Variants in TEK observed in about 807,000 individuals in gnomAD.
The protein encoded by TEK is angiopoietin-1 receptor.
In TEK, 43 loss-of-function variants were observed where a neutral mutation model predicts 131.8. The observed-to-expected ratio is 0.33, with a 90% CI of 0.26 to 0.42. The LOEUF is 0.42. Ranked by LOEUF, TEK falls within the 10% of genes least tolerant of loss-of-function variation. The probability of loss-of-function intolerance (pLI) is 1.00; values close to 1 mark genes in which losing one functional copy is unlikely to be tolerated. For missense variants in TEK, 1,162 were observed against 1,384.4 expected (o/e 0.84, Z 2.55); for synonymous variants, 580 against 491.6 (o/e 1.18, Z -2.38).
chr9:27,194,665 C>G (rs1206197765), intron 11 of TEK, among the ~76,000 whole-genome samples: 1 of 152,072 alleles, frequency 6.6e-6, no homozygotes, highest in Non-Finnish European at 1.5e-5. Context: ...CTTCACAGCC[C>G]CACACTGTAC....
chr9:27,115,519 A>AAATG (rs1821517886), intron 1 of TEK, among the ~76,000 whole-genome samples: 1 of 151,836 alleles, frequency 6.6e-6, no homozygotes, highest in Non-Finnish European at 1.5e-5. Context: ...ACAAACAAAC[A>AAATG]AACGAAACTA....
intron 1 of TEK, among the ~76,000 whole-genome samples, chr9:27,119,891 G>A (rs553424871): frequency 1.1e-4 from 2 of 18,204 alleles, no homozygotes; most frequent in East Asian, 0.056. Flanking sequence ...GTGCACATGC[G>A]TGTGTGTGTG....
chr9:27,196,474 G>A (rs180801949), intron 11 of TEK, among the ~76,000 whole-genome samples: 70 of 152,292 alleles, frequency 4.6e-4, no homozygotes, highest in African/African-American at 1.6e-3. Context: ...CTCTTAAAAG[G>A]TGCCCTTTAG....
chr9:27,176,314 C>T (rs1824170082), intron 6 of TEK, among the ~76,000 whole-genome samples: 1 of 152,068 alleles, frequency 6.6e-6, no homozygotes, highest in Admixed American at 6.6e-5. Flanking sequence ...AGGGGAATTC[C>T]ACTGTGCAAA....
chr9:27,131,142 C>T (rs925258356), intron 1 of TEK, among the ~76,000 whole-genome samples: 1 of 152,096 alleles, frequency 6.6e-6, no homozygotes, highest in Non-Finnish European at 1.5e-5. Flanking sequence ...TTACATACTA[C>T]ACCTTTTTAG....
At chr9:27,124,781 C>G (rs753586302) in intron 1 of TEK, among the ~76,000 whole-genome samples, 82 of 152,264 alleles carry the variant, frequency 5.4e-4, no homozygotes, top group Non-Finnish European at 8.7e-4. Flanking sequence ...CCATTTAGAA[C>G]AATGCTTAAA....
chr9:27,186,285 G>A (rs927810063), intron 9 of TEK, among the ~76,000 whole-genome samples: 2 of 152,104 alleles, frequency 1.3e-5, no homozygotes, highest in African/African-American at 4.8e-5. Flanking sequence ...CGTTAACTTG[G>A]CTGGTGTACG....
rs1825870137 is a variant in TEK, at chr9:27,217,749, A to G, written c.3053A>G (p.Asn1018Ser). 4 of 1,612,958 alleles carry G rather than the reference A, an allele frequency of 2.5e-6. No homozygotes were observed. The highest frequency in any genetic ancestry group is 3.4e-6 in the Non-Finnish European group (4 of 1,179,578). ...CTGAATTACAGTGTGTACACAACCA[A>G]CAGTGATGTGTGAGTAAACTTCTTA... ...ESLNYSVYTT[N>S]SDVWSYGVLL... The change falls in exon 19 of 23, where the codon AAC becomes AGC. Residue 1018 changes from asparagine (N) to serine (S), a missense_variant. Physicochemically the swap from Asn to Ser is conservative, Grantham distance 46. Coordinates refer to ENST00000380036, the MANE Select transcript of TEK (RefSeq NM_000459.5).
At position 27,122,109 on chromosome 9, in the gene TEK, G is replaced by T. The variant is rs371409949; in HGVS notation, c.52+12467G>T. Among the ~76,000 whole-genome samples, 6 of 152,160 alleles carry T rather than the reference G, an allele frequency of 3.9e-5. No homozygotes were observed. In the South Asian group the frequency reaches 6.2e-4, roughly 16 times the overall value. On this transcript the variant is annotated intron_variant, in intron 1 of 22. Transcript: ENST00000380036. ...AGGCAATGCCCGTCAGTAGAGAAATGGTTGGTCAGTTCTACTCATCCATTC... is the reference window on the plus strand; with the variant it reads ...AGGCAATGCCCGTCAGTAGAGAAATTGTTGGTCAGTTCTACTCATCCATTC...
At chr9:27,146,752 C>T (rs1434244152) in intron 1 of TEK, among the ~76,000 whole-genome samples, 6 of 125,272 alleles carry the variant, frequency 4.8e-5, no homozygotes, top group East Asian at 2.1e-4. Flanking sequence ...GCGGGGGGGA[C>T]GGAGTCTTGC....
intron 5 of TEK, among the ~76,000 whole-genome samples, chr9:27,173,003 A>C (rs1055571222): frequency 6.6e-6 from 1 of 152,088 alleles, no homozygotes. Context: ...TGCACTGCAC[A>C]AACCTGCATG....
At chr9:27,129,562 C>G (rs1023069153) in intron 1 of TEK, among the ~76,000 whole-genome samples, 2 of 152,182 alleles carry the variant, frequency 1.3e-5, no homozygotes, top group Admixed American at 6.6e-5. Flanking sequence ...TTAGCAGGAG[C>G]TCTGTATTGT....
Position 27,109,420 on chromosome 9 carries a change from A to G in TEK, c.-171A>G. 1.4e-6 allele frequency: 1 copy of G among 729,504 alleles called. No individual in the cohort carries two copies. Among genetic ancestry groups the G allele is most frequent in the East Asian group, 2.4e-5 (1 of 40,826 alleles). 45.2% of individuals were successfully genotyped at this position (729,504 alleles called of 1,614,324 possible). On this transcript the variant is annotated 5_prime_UTR_variant, in exon 1 of 23. Transcript: ENST00000380036. ...AACTTAAAACTCCCTGTGCTCAGAC[A>G]GAAATGAGACTGTTACAGCCTGCTT...
chr9:27,164,268 T>TG (rs1400371723), intron 2 of TEK, among the ~76,000 whole-genome samples: 1 of 152,060 alleles, frequency 6.6e-6, no homozygotes, highest in African/African-American at 2.4e-5. Context: ...TTTATTTAGT[T>TG]GGAGTCTCGC....
At chr9:27,215,771 CAT>C (rs71492741) in intron 18 of TEK, among the ~76,000 whole-genome samples, 18,676 of 151,978 alleles carry the variant, frequency 0.12, 1,417 homozygotes, top group Non-Finnish European at 0.16. Context: ...AGCTCGTAGA[CAT>C]ATGACTCAGG....
At chr9:27,166,818 C>T (rs749621274) in intron 2 of TEK, among the ~76,000 whole-genome samples, 1 of 152,130 alleles carries the variant, frequency 6.6e-6, no homozygotes, top group Non-Finnish European at 1.5e-5. Context: ...TTGATGTGAG[C>T]TCCTGTCTTT....
chr9:27,170,048 G>T (rs1363993066), intron 4 of TEK, among the ~76,000 whole-genome samples: 5 of 152,114 alleles, frequency 3.3e-5, no homozygotes, highest in African/African-American at 4.8e-5. Flanking sequence ...TACAATCATG[G>T]CAAAAGAGGA....
chr9:27,223,756 A>G (rs1233094029), intron 21 of TEK, among the ~76,000 whole-genome samples: 1 of 152,234 alleles, frequency 6.6e-6, no homozygotes, highest in Non-Finnish European at 1.5e-5. Context: ...AAGGCAAGAA[A>G]TAACTAAGAT....
chr9:27,213,460 A>G, intron 17 of TEK, 24 bp from the exon 18 acceptor site: 1 of 1,575,182 alleles, frequency 6.3e-7, no homozygotes, highest in Admixed American at 1.7e-5. Flanking sequence ...GGCTGAAAAT[A>G]CATAATGTTT....
Sources: gnomAD v4.1 joint callset for allele counts (sites outside exome capture counted in the v4.1 genomes callset) on GRCh38, gnomAD v4.1.1 for gene constraint, MANE v1.5 for transcripts, NCBI Gene and HGNC (gene_info 2026-07-23, HGNC 2026-07-21) for gene names.